Variants in SSBP2 observed in about 807,000 individuals in gnomAD.
SSBP2 encodes single-stranded DNA-binding protein 2.
SSBP2 carries 17 observed loss-of-function variants against 61.8 expected under a neutral mutation model. The observed-to-expected ratio is 0.28, with a 90% CI of 0.19 to 0.41. The LOEUF is 0.41. Among genes scored for constraint, SSBP2 ranks in the 10% least tolerant of loss-of-function variants. SSBP2 has a pLI of 1.00. For missense variants in SSBP2, 310 were observed against 458.7 expected, an observed-to-expected ratio of 0.68 and a Z score of 2.96; for synonymous variants, 139 against 141.3, an observed-to-expected ratio of 0.98 and a Z score of 0.12.
chr5:81,667,104 A>G (rs1257852109), intron 1 of SSBP2, among the ~76,000 whole-genome samples: 1 of 152,166 alleles, frequency 6.6e-6, no homozygotes, highest in African/African-American at 2.4e-5. Flanking sequence ...ATGAAAGGGG[A>G]AAAAATAGGT....
At chr5:81,625,820 G>A (rs1240280855) in intron 3 of SSBP2, among the ~76,000 whole-genome samples, 1 of 152,204 alleles carries the variant, frequency 6.6e-6, no homozygotes, top group African/African-American at 2.4e-5. Flanking sequence ...ATGTGTCCCA[G>A]AAGATGGAAT....
At chr5:81,573,429 C>T (rs1773975644) in intron 4 of SSBP2, among the ~76,000 whole-genome samples, 1 of 152,136 alleles carries the variant, frequency 6.6e-6, no homozygotes, top group South Asian at 2.1e-4. Flanking sequence ...GCTTATAATT[C>T]AGAGCAAAAA....
At chr5:81,751,325 T>G, upstream of SSBP2, 1 of 490,776 alleles carries the variant, frequency 2.0e-6, no homozygotes, top group Non-Finnish European at 3.6e-6. Context: ...TCCGCTCTCC[T>G]CCCTCCACCC....
intron 4 of SSBP2, among the ~76,000 whole-genome samples, chr5:81,595,404 C>T (rs1284385693): frequency 6.6e-6 from 1 of 152,134 alleles, no homozygotes; most frequent in Non-Finnish European, 1.5e-5. Context: ...CCGAGTTCTA[C>T]CAGAGGTACA....
At chr5:81,527,197 A>G (rs1770008839) in intron 4 of SSBP2, among the ~76,000 whole-genome samples, 1 of 152,002 alleles carries the variant, frequency 6.6e-6, no homozygotes, top group South Asian at 2.1e-4. Flanking sequence ...TAAGCACATG[A>G]TTATTAGATG....
Position 81,601,461 on chromosome 5 carries a change from A to C in SSBP2, c.282+14012T>G, listed in dbSNP as rs576959871. Among the ~76,000 whole-genome samples, 124 of 152,280 alleles carry C rather than the reference A, an allele frequency of 8.1e-4. No individual in the cohort carries two copies. In the South Asian group the frequency reaches 0.01, roughly 12 times the overall value. ...CACAAGTACAAGTAAAACTGGGAAA[A>C]TGTGAATAAGATCAGTAGATTATAT... On this transcript the variant is annotated intron_variant, in intron 4 of 16. Transcript: ENST00000320672.
At chr5:81,622,865 C>T (rs1278533991) in intron 3 of SSBP2, among the ~76,000 whole-genome samples, 1 of 152,148 alleles carries the variant, frequency 6.6e-6, no homozygotes, top group African/African-American at 2.4e-5. Context: ...AGTAAGATTA[C>T]CTTCAGCGGG....
chr5:81,724,394 T>C (rs1363139030), intron 1 of SSBP2, among the ~76,000 whole-genome samples: 1 of 152,058 alleles, frequency 6.6e-6, no homozygotes, highest in Non-Finnish European at 1.5e-5. Context: ...ATTACGAATG[T>C]TGCTAAGTCA....
intron 4 of SSBP2, among the ~76,000 whole-genome samples, chr5:81,551,358 T>C (rs1772175923): frequency 6.6e-6 from 1 of 152,174 alleles, no homozygotes; most frequent in African/African-American, 2.4e-5. Context: ...AACATAAGCA[T>C]AATCACAGTT....
chr5:81,534,525 A>G (rs1351696831), intron 4 of SSBP2, among the ~76,000 whole-genome samples: 1 of 152,150 alleles, frequency 6.6e-6, no homozygotes, highest in Admixed American at 6.5e-5. Flanking sequence ...TTCTAAGAAT[A>G]AAAAAGAAAT....
intron 4 of SSBP2, among the ~76,000 whole-genome samples, chr5:81,563,780 A>T (rs1773225424): frequency 6.6e-6 from 1 of 152,216 alleles, no homozygotes; most frequent in South Asian, 2.1e-4. Context: ...AAGACCTGAA[A>T]CCATAAAACT....
rs909557479 is a variant in SSBP2, at chr5:81,689,521, A to G, written c.63-39182T>C. Among the ~76,000 whole-genome samples, 57 of 151,888 alleles carry G rather than the reference A, an allele frequency of 3.8e-4. 1 individual carries two copies. The highest frequency in any genetic ancestry group is 1.2e-3 in the African/African-American group (51 of 41,480). On this transcript the variant is annotated intron_variant, in intron 1 of 16. Transcript: ENST00000320672. Reference sequence around the variant, plus strand: ...AAAGCTCTAATACATCTGACAGCAGATTTCTCAGCTGAAACCTTACAGGCC... The same window carrying G: ...AAAGCTCTAATACATCTGACAGCAGGTTTCTCAGCTGAAACCTTACAGGCC...
At chr5:81,450,518 C>T (rs1177852877) in intron 10 of SSBP2, among the ~76,000 whole-genome samples, 2 of 152,138 alleles carry the variant, frequency 1.3e-5, no homozygotes, top group Non-Finnish European at 2.9e-5. Context: ...ACTTGCAGTT[C>T]ACCGCCTTGC....
chr5:81,690,077 A>T (rs566375802), intron 1 of SSBP2, among the ~76,000 whole-genome samples: 5 of 152,116 alleles, frequency 3.3e-5, no homozygotes, highest in Non-Finnish European at 7.4e-5. Flanking sequence ...TGGTAACCTC[A>T]AATCAAAAAG....
At chr5:81,574,455 A>T (rs1358447947) in intron 4 of SSBP2, among the ~76,000 whole-genome samples, 3 of 152,140 alleles carry the variant, frequency 2.0e-5, no homozygotes, top group Non-Finnish European at 4.4e-5. Flanking sequence ...CTAGGATACA[A>T]GTCTTTGGAA....
At chr5:81,748,778 GT>G (rs1757518127) in intron 1 of SSBP2, among the ~76,000 whole-genome samples, 1 of 152,162 alleles carries the variant, frequency 6.6e-6, no homozygotes, top group African/African-American at 2.4e-5. Flanking sequence ...TTGGTGTTCA[GT>G]TTGGTAGATT....
intron 1 of SSBP2, among the ~76,000 whole-genome samples, chr5:81,716,872 C>G (rs1022365837): frequency 2.0e-5 from 3 of 152,108 alleles, no homozygotes; most frequent in Non-Finnish European, 2.9e-5. Flanking sequence ...AGGGAAGCAT[C>G]AAGTATGTGT....
chr5:81,706,048 C>T (rs420412), intron 1 of SSBP2, among the ~76,000 whole-genome samples: 84,458 of 151,998 alleles, frequency 0.56, 25,190 homozygotes, highest in African/African-American at 0.73. Flanking sequence ...TGCACTCATA[C>T]GCTGATCACA....
intron 1 of SSBP2, among the ~76,000 whole-genome samples, chr5:81,696,994 C>T (rs1020479965): frequency 6.6e-6 from 1 of 152,130 alleles, no homozygotes; most frequent in Non-Finnish European, 1.5e-5. Context: ...ATGATGCACA[C>T]GTACCTGTCA....
Sources: gnomAD v4.1 joint callset for allele counts (sites outside exome capture counted in the v4.1 genomes callset) on GRCh38, gnomAD v4.1.1 for gene constraint, MANE v1.5 for transcripts, NCBI Gene and HGNC (gene_info 2026-07-23, HGNC 2026-07-21) for gene names.